KDM4C: variants seen among roughly 807,000 people sequenced by gnomAD.
KDM4C encodes the protein lysine-specific demethylase 4C.
Under a neutral mutation model 129.3 loss-of-function variants are expected in KDM4C, and 81 were observed. The observed-to-expected ratio is 0.63, with a 90% CI of 0.52 to 0.75. The LOEUF is 0.75. KDM4C is among the 30% of genes least tolerant of loss of function. The pLI, the probability that KDM4C is intolerant of heterozygous loss-of-function variation, is 0.00. For missense variants in KDM4C, 1,457 were observed against 1,304.0 expected (o/e 1.12, Z -1.81); for synonymous variants, 573 against 456.1 (o/e 1.26, Z -3.26).
intron 4 of KDM4C, among the ~76,000 whole-genome samples, chr9:6,837,068 G>A (rs1564127258): frequency 6.6e-6 from 1 of 151,888 alleles, no homozygotes. Context: ...TATCATTTTT[G>A]TTTTTTTAAG....
intron 5 of KDM4C, among the ~76,000 whole-genome samples, chr9:6,861,571 T>C (rs1308571971): frequency 6.6e-6 from 1 of 152,174 alleles, no homozygotes; most frequent in Non-Finnish European, 1.5e-5. Flanking sequence ...TAATCACAGA[T>C]TTATATTTGT....
chr9:7,047,297 A>G (rs1829541057), intron 16 of KDM4C, among the ~76,000 whole-genome samples: 1 of 152,080 alleles, frequency 6.6e-6, no homozygotes, highest in South Asian at 2.1e-4. Flanking sequence ...TGATCTTCAG[A>G]TAAATCAGTC....
intron 19 of KDM4C, among the ~76,000 whole-genome samples, chr9:7,151,434 G>A (rs2130125309): frequency 6.6e-6 from 1 of 152,222 alleles, no homozygotes; most frequent in East Asian, 1.9e-4. Flanking sequence ...GCTCACACCT[G>A]TAATCCCAGC....
rs148424082 is a variant in KDM4C, at chr9:7,077,052, T to C, written c.2425-26633T>C. The C allele has an allele frequency of 1.0e-5, 10 of 985,508 alleles. No individual in the cohort carries two copies. In the African/African-American group the frequency reaches 1.7e-4, roughly 17 times the overall value. The allele number at this position is 985,508 out of a possible 1,614,324, so 61.0% of individuals were successfully genotyped here. ...TGCACAACAAAGCAACTGAACGTAT[T>C]TTGAGTTTAGGTGAAAACTATCACT... On this transcript the variant is annotated intron_variant, in intron 17 of 21. Transcript: ENST00000381309.
chr9:7,166,954 G>C (rs1416226957), intron 20 of KDM4C, among the ~76,000 whole-genome samples: 2 of 152,086 alleles, frequency 1.3e-5, no homozygotes, highest in African/African-American at 4.8e-5. Context: ...TTTGTGTTTT[G>C]TGTCTAATTA....
chr9:6,932,149 A>G (rs7031585), intron 8 of KDM4C, among the ~76,000 whole-genome samples: 34,295 of 152,088 alleles, frequency 0.23, 4,656 homozygotes, highest in Middle Eastern at 0.4. Flanking sequence ...TCAGGCATGT[A>G]CTTCATGAAA....
At chr9:6,806,448 C>G (rs1173423939) in intron 3 of KDM4C, among the ~76,000 whole-genome samples, 1 of 151,904 alleles carries the variant, frequency 6.6e-6, no homozygotes, top group East Asian at 1.9e-4. Context: ...GAGCCGAGAT[C>G]ACGCCATTGC....
chr9:6,849,366 G>C, intron 4 of KDM4C, 141 bp from the exon 5 acceptor site: 1 of 583,358 alleles, frequency 1.7e-6, no homozygotes, highest in Non-Finnish European at 2.8e-6. Flanking sequence ...TCTTGAATAA[G>C]AGTTGTTTTA....
intron 18 of KDM4C, among the ~76,000 whole-genome samples, chr9:7,118,842 T>C (rs944181557): frequency 6.6e-6 from 1 of 152,178 alleles, no homozygotes; most frequent in Admixed American, 6.5e-5. Context: ...TCTCCGCCCA[T>C]GACTCATCCT....
In KDM4C at chr9:7,063,206, A is replaced by G. The variant is rs868643309; in HGVS notation, c.2424+14006A>G. Reference sequence around the variant, plus strand: ...TTTGGGGACCAAAGTAGACAAAAAAATTCTAATTGCTTTCAGTTCTGGATT... The same window carrying G: ...TTTGGGGACCAAAGTAGACAAAAAAGTTCTAATTGCTTTCAGTTCTGGATT... On this transcript the variant is annotated intron_variant, in intron 17 of 21. Coordinates refer to ENST00000381309, the MANE Select transcript of KDM4C (RefSeq NM_015061.6). Among the ~76,000 whole-genome samples, 16 of 152,346 alleles carry G rather than the reference A, an allele frequency of 1.1e-4. No homozygotes were observed. The Middle Eastern group carries it at 0.01, about 97-fold the overall frequency.
chr9:6,724,467 C>T (rs1817057988), intron 1 of KDM4C, among the ~76,000 whole-genome samples: 1 of 152,042 alleles, frequency 6.6e-6, no homozygotes, highest in African/African-American at 2.4e-5. Flanking sequence ...CAGCGAGCAT[C>T]CATTATTTAA....
chr9:7,170,247 G>T, intron 21 of KDM4C: 2 of 1,150,646 alleles, frequency 1.7e-6, no homozygotes, highest in Non-Finnish European at 2.2e-6. Context: ...AACATTAAAA[G>T]TATTCAGGAG....
At chr9:6,820,547 T>C (rs1392833734) in intron 4 of KDM4C, among the ~76,000 whole-genome samples, 1 of 152,052 alleles carries the variant, frequency 6.6e-6, no homozygotes, top group Non-Finnish European at 1.5e-5. Flanking sequence ...GGCAAATCTT[T>C]TAAGGAGCAG....
chr9:6,785,492 A>C (rs1825293863), intron 1 of KDM4C, among the ~76,000 whole-genome samples: 1 of 152,016 alleles, frequency 6.6e-6, no homozygotes, highest in African/African-American at 2.4e-5. Context: ...ACCCGCCACC[A>C]TGCCTGGCTA....
rs185771643 is a variant in KDM4C, at chr9:7,067,429, T to G, written c.2424+18229T>G. Among the ~76,000 whole-genome samples, 777 of 152,356 alleles carry G rather than the reference T, an allele frequency of 5.1e-3. 10 individuals carry two copies. The highest frequency in any genetic ancestry group is 0.017 in the African/African-American group (717 of 41,586). On this transcript the variant is annotated intron_variant, in intron 17 of 21. Transcript: ENST00000381309. ...AGCAAACGAGCAAGCAAGATGTGTT[T>G]GTCCTTGATTACATTCTATTTCTCT...
At chr9:6,894,430 T>C (rs928677988) in intron 8 of KDM4C, among the ~76,000 whole-genome samples, 5 of 152,268 alleles carry the variant, frequency 3.3e-5, no homozygotes, top group Non-Finnish European at 7.3e-5. Context: ...GGCCAACCAC[T>C]GCATTGCTTT....
At chr9:6,760,405 A>T (rs1164185883) in intron 1 of KDM4C, among the ~76,000 whole-genome samples, 6 of 149,786 alleles carry the variant, frequency 4.0e-5, no homozygotes, top group African/African-American at 1.5e-4. Context: ...AATATTTGTG[A>T]ACTAGTTTTT....
rs746487184 is a variant in KDM4C, at chr9:6,792,976, T to A, written c.-13T>A. The A allele has an allele frequency of 1.5e-5, 24 of 1,613,982 alleles. No individual in the cohort carries two copies. The highest frequency in any genetic ancestry group is 1.9e-5 in the Non-Finnish European group (23 of 1,179,996). On this transcript the variant is annotated 5_prime_UTR_variant, in exon 2 of 22. Transcript: ENST00000381309. Reference sequence around the variant, plus strand: ...ACCCTACTGTCTTCTCTCCAGACACTGCCCTAACCATCATGGAGGTGGCCG... The same window carrying A: ...ACCCTACTGTCTTCTCTCCAGACACAGCCCTAACCATCATGGAGGTGGCCG...
chr9:7,018,953 C>T (rs138162064), intron 15 of KDM4C, among the ~76,000 whole-genome samples: 2 of 152,132 alleles, frequency 1.3e-5, no homozygotes, highest in Non-Finnish European at 2.9e-5. Flanking sequence ...TTGAATATAA[C>T]ATTACAATGA....
Sources: gnomAD v4.1 joint callset for allele counts (sites outside exome capture counted in the v4.1 genomes callset) on GRCh38, gnomAD v4.1.1 for gene constraint, MANE v1.5 for transcripts, NCBI Gene and HGNC (gene_info 2026-07-23, HGNC 2026-07-21) for gene names.